The following DLGAP2 variants were observed in gnomAD, a reference collection of about 807,000 sequenced individuals.
The protein encoded by DLGAP2 is DLG associated protein 2, also known as disks large-associated protein 2.
DLGAP2 carries 26 observed loss-of-function variants against 100.3 expected under a neutral mutation model. The ratio of observed to expected loss-of-function variants is 0.26; its 90% CI spans 0.19 to 0.36. The LOEUF (loss-of-function observed/expected upper bound fraction) is 0.36, where lower values mean the gene tolerates loss of function less well. DLGAP2 is among the 10% of genes least tolerant of loss of function. The probability of loss-of-function intolerance (pLI) is 1.00; values close to 1 mark genes in which losing one functional copy is unlikely to be tolerated. For missense variants in DLGAP2, 1,858 were observed against 1,453.2 expected, an observed-to-expected ratio of 1.28 and a Z score of -4.53; for synonymous variants, 886 against 630.1, an observed-to-expected ratio of 1.41 and a Z score of -6.08.
intron 3 of DLGAP2, among the ~76,000 whole-genome samples, chr8:1,432,454 G>T (rs1235963101): frequency 6.6e-6 from 1 of 152,156 alleles, no homozygotes; most frequent in East Asian, 1.9e-4. Flanking sequence ...ATGTTTATTT[G>T]TCATTTTCCC....
intron 3 of DLGAP2, among the ~76,000 whole-genome samples, chr8:1,278,233 A>C (rs1169076125): frequency 1.3e-5 from 2 of 152,148 alleles, no homozygotes; most frequent in Non-Finnish European, 2.9e-5. Context: ...TTGGACTCTC[A>C]ATTATTTTAT....
intron 2 of DLGAP2, among the ~76,000 whole-genome samples, chr8:1,040,447 A>T (rs1465812504): frequency 2.2e-5 from 1 of 44,966 alleles, no homozygotes; most frequent in African/African-American, 9.3e-5. Context: ...TGGTCGGCTC[A>T]GTTTCCGTGG....
intron 2 of DLGAP2, among the ~76,000 whole-genome samples, chr8:1,023,369 C>G (rs544809336): frequency 6.6e-6 from 1 of 152,116 alleles, no homozygotes; most frequent in African/African-American, 2.4e-5. Flanking sequence ...AGGGGGTGTT[C>G]GTTGATGGAT....
At chr8:1,196,878 C>G (rs779070537) in intron 2 of DLGAP2, among the ~76,000 whole-genome samples, 18 of 152,018 alleles carry the variant, frequency 1.2e-4, no homozygotes, top group Non-Finnish European at 2.2e-4. Context: ...TACAGACAGG[C>G]AAGAGGGGAT....
At chr8:1,362,479 A>C (rs1161384866) in intron 3 of DLGAP2, among the ~76,000 whole-genome samples, 4 of 151,912 alleles carry the variant, frequency 2.6e-5, no homozygotes, top group Non-Finnish European at 5.9e-5. Flanking sequence ...TCCGGCGGGG[A>C]CACCCGTCAG....
chr8:1,277,836 C>G (rs1799735276), intron 3 of DLGAP2, among the ~76,000 whole-genome samples: 1 of 152,180 alleles, frequency 6.6e-6, no homozygotes, highest in African/African-American at 2.4e-5. Flanking sequence ...CCACTATTTG[C>G]TGGGGCAGTG....
chr8:1,303,590 C>G (rs1440782893), intron 3 of DLGAP2, among the ~76,000 whole-genome samples: 3 of 152,066 alleles, frequency 2.0e-5, no homozygotes, highest in Non-Finnish European at 4.4e-5. Flanking sequence ...AAAGGTGTAA[C>G]TCTCTCTTAA....
chr8:1,442,550 C>T (rs558041889), intron 3 of DLGAP2, among the ~76,000 whole-genome samples: 2 of 138,076 alleles, frequency 1.4e-5, no homozygotes, highest in South Asian at 4.9e-4. Context: ...CTGGGGGAGA[C>T]GGATCCGGGC....
At chr8:1,187,816 G>A (rs1185342838) in intron 2 of DLGAP2, among the ~76,000 whole-genome samples, 9 of 120,310 alleles carry the variant, frequency 7.5e-5, no homozygotes, top group Admixed American at 1.6e-4. Flanking sequence ...TCACACGCCC[G>A]GGACTTCCGT....
At chr8:1,412,051 C>G (rs1391020621) in intron 3 of DLGAP2, among the ~76,000 whole-genome samples, 1 of 152,232 alleles carries the variant, frequency 6.6e-6, no homozygotes, top group Non-Finnish European at 1.5e-5. Context: ...GCCATGGACC[C>G]TCACCTCCCC....
chr8:867,688 T>A (rs1282967142), intron 1 of DLGAP2, among the ~76,000 whole-genome samples: 2 of 152,222 alleles, frequency 1.3e-5, no homozygotes, highest in African/African-American at 4.8e-5. Context: ...GACATTGCTG[T>A]CACCTGGCCA....
intron 2 of DLGAP2, among the ~76,000 whole-genome samples, chr8:1,041,596 G>A (rs1476426700): frequency 1.4e-5 from 2 of 142,708 alleles, no homozygotes; most frequent in African/African-American, 2.6e-5. Context: ...CTTGCCGTGG[G>A]TGAGTGTTCT....
intron 3 of DLGAP2, among the ~76,000 whole-genome samples, chr8:1,428,623 T>C (rs1797305129): frequency 6.6e-6 from 1 of 152,250 alleles, no homozygotes; most frequent in African/African-American, 2.4e-5. Context: ...TACAGAAGTA[T>C]GCCTATGTAT....
rs149206104 is a variant in DLGAP2 at position 1,023,857 on chromosome 8, A to ATGTGTGTGTGTGTGTGTGTGTGTGTG, written c.73+115909_73+115934dup. Among the ~76,000 whole-genome samples, 276 of 128,928 alleles carry ATGTGTGTGTGTGTGTGTGTGTGTGTG rather than the reference A, an allele frequency of 2.1e-3. 9 individuals carry two copies. Among genetic ancestry groups the ATGTGTGTGTGTGTGTGTGTGTGTGTG allele is most frequent in the East Asian group, 0.01 (41 of 3,992 alleles). The allele number at this position is 128,928 out of a possible 152,430, so 84.6% of individuals were successfully genotyped here. A position where few individuals can be genotyped will look rare whatever the true frequency, so the allele number is the denominator to read the frequency against. On this transcript the variant is annotated intron_variant, in intron 2 of 14. Coordinates refer to ENST00000637795, the MANE Select transcript of DLGAP2 (RefSeq NM_001346810.2). The stretch of plus-strand genomic sequence containing the variant: ...GTCTGCAAGTGCTCAAACTTTATAT[A>ATGTGTGTGTGTGTGTGTGTGTGTGTG]TGTGTGTGTGTGTGTGTGTGTGTGT...
chr8:1,370,308 C>T (rs1241437273), intron 3 of DLGAP2, among the ~76,000 whole-genome samples: 8 of 152,108 alleles, frequency 5.3e-5, no homozygotes, highest in Non-Finnish European at 4.4e-5. Context: ...AGCAGTCACA[C>T]GGCGTGATTC....
At chr8:1,100,597 T>C (rs1171919631) in intron 2 of DLGAP2, among the ~76,000 whole-genome samples, 2 of 152,156 alleles carry the variant, frequency 1.3e-5, no homozygotes, top group South Asian at 2.1e-4. Context: ...TACAGGGGAA[T>C]TACTCTATAA....
At chr8:1,619,409 T>G (rs1372095940) in intron 6 of DLGAP2, among the ~76,000 whole-genome samples, 1 of 152,264 alleles carries the variant, frequency 6.6e-6, no homozygotes, top group Non-Finnish European at 1.5e-5. Context: ...TGCCTTTCAC[T>G]GTCTATCAAT....
rs547993880 is a variant in DLGAP2, at chr8:973,098, C to T, written c.73+65132C>T. On this transcript the variant is annotated intron_variant, in intron 2 of 14. Coordinates refer to ENST00000637795, the MANE Select transcript of DLGAP2 (RefSeq NM_001346810.2). Reference sequence around the variant, plus strand: ...CTTTTCTATTCGACAAAACCGCCATCGTCATCATGGCCCGTTCTCAATGAG... The same window carrying T: ...CTTTTCTATTCGACAAAACCGCCATTGTCATCATGGCCCGTTCTCAATGAG... Among the ~76,000 whole-genome samples, 6 of 152,380 alleles carry T rather than the reference C, an allele frequency of 3.9e-5. No homozygotes were observed. The South Asian group carries it at 6.2e-4, about 16-fold the overall frequency.
intron 1 of DLGAP2, among the ~76,000 whole-genome samples, chr8:802,150 C>T (rs200377827): frequency 5.4e-3 from 498 of 91,942 alleles, no homozygotes; most frequent in Admixed American, 0.014. Flanking sequence ...GGGAATGGTC[C>T]GCACTCCTCC....
Sources: gnomAD v4.1 joint callset for allele counts (sites outside exome capture counted in the v4.1 genomes callset) on GRCh38, gnomAD v4.1.1 for gene constraint, MANE v1.5 for transcripts, NCBI Gene and HGNC (gene_info 2026-07-23, HGNC 2026-07-21) for gene names.